IGF2BP2: variants seen among roughly 807,000 people sequenced by gnomAD.
The protein encoded by IGF2BP2 is insulin like growth factor 2 mRNA binding protein 2.
IGF2BP2 carries 17 observed loss-of-function variants against 75.8 expected under a neutral mutation model. That is an observed-to-expected ratio of 0.22 (90% CI 0.15 to 0.34). The LOEUF (loss-of-function observed/expected upper bound fraction) is 0.34. IGF2BP2 is among the 10% of genes least tolerant of loss of function. The probability of loss-of-function intolerance (pLI) is 1.00; values close to 1 mark genes in which losing one functional copy is unlikely to be tolerated. For synonymous variants in IGF2BP2, 288 were observed against 295.6 expected (o/e 0.97, Z 0.26); for missense variants, 516 against 772.4 (o/e 0.67, Z 3.93).
At chr3:185,673,468 T>C (rs1329684558) in intron 9 of IGF2BP2, among the ~76,000 whole-genome samples, 1 of 152,178 alleles carries the variant, frequency 6.6e-6, no homozygotes, top group Non-Finnish European at 1.5e-5. Flanking sequence ...TTTGTCTCTT[T>C]ACTATTTAGT....
intron 2 of IGF2BP2, among the ~76,000 whole-genome samples, chr3:185,778,773 T>C (rs1473811780): frequency 6.6e-6 from 1 of 152,192 alleles, no homozygotes; most frequent in Non-Finnish European, 1.5e-5. Context: ...AGTCAACCAA[T>C]ACATGCTATT....
At chr3:185,772,143 C>T (rs945831253) in intron 2 of IGF2BP2, among the ~76,000 whole-genome samples, 1 of 152,120 alleles carries the variant, frequency 6.6e-6, no homozygotes, top group African/African-American at 2.4e-5. Flanking sequence ...GTTTGCTCTA[C>T]AAGGGCAAGG....
chr3:185,716,406 C>T (rs1185412209), intron 2 of IGF2BP2: 3 of 489,172 alleles, frequency 6.1e-6, no homozygotes, highest in East Asian at 5.5e-5. Flanking sequence ...ACAGAATATC[C>T]CTCTTTTCTT....
At chr3:185,707,295 CTTTTTTTTTTTT>C (rs1159568857) in intron 2 of IGF2BP2, among the ~76,000 whole-genome samples, 14 of 39,854 alleles carry the variant, frequency 3.5e-4, no homozygotes, top group East Asian at 2.0e-3. Flanking sequence ...AACGAAGGGG[CTTTTTTTTTTTT>C]TTTTTTTTTT....
chr3:185,807,618 T>G (rs1388959296), intron 2 of IGF2BP2, among the ~76,000 whole-genome samples: 1 of 152,252 alleles, frequency 6.6e-6, no homozygotes, highest in African/African-American at 2.4e-5. Flanking sequence ...CTCCTGGTAT[T>G]CAACTTATTG....
rs1023211260 is a variant in IGF2BP2, at chr3:185,735,651, C to T, written c.240-37304G>A. Among the ~76,000 whole-genome samples the T allele has an allele frequency of 3.9e-5, 6 of 152,194 alleles. No individual in the cohort carries two copies. The East Asian group carries it at 1.2e-3, about 29-fold the overall frequency. On this transcript the variant is annotated intron_variant, in intron 2 of 15. Coordinates refer to ENST00000382199, the MANE Select transcript of IGF2BP2 (RefSeq NM_006548.6). ...CTCCGGGAGGAGATAATAAGCTTTA[C>T]ACAGCAGAGGGGAAGGCTCCTTACC...
At chr3:185,756,575 AC>A (rs1287616543) in intron 2 of IGF2BP2, among the ~76,000 whole-genome samples, 3 of 151,922 alleles carry the variant, frequency 2.0e-5, no homozygotes, top group Non-Finnish European at 4.4e-5. Context: ...GGCTCTTATT[AC>A]CCAACACCTA....
At chr3:185,653,936 C>T (rs1346844704) in intron 12 of IGF2BP2, among the ~76,000 whole-genome samples, 2 of 152,206 alleles carry the variant, frequency 1.3e-5, no homozygotes, top group African/African-American at 4.8e-5. Flanking sequence ...CACTGTGTCA[C>T]TTGAGATCCT....
intron 2 of IGF2BP2, among the ~76,000 whole-genome samples, chr3:185,707,429 C>T (rs1168224570): frequency 6.7e-6 from 1 of 150,060 alleles, no homozygotes; most frequent in Non-Finnish European, 1.5e-5. Context: ...CTGCCTCAGC[C>T]TCCTGAGTAG....
intron 5 of IGF2BP2, among the ~76,000 whole-genome samples, chr3:185,691,082 A>T (rs1048507171): frequency 1.3e-5 from 2 of 152,024 alleles, no homozygotes; most frequent in Non-Finnish European, 2.9e-5. Flanking sequence ...ACACTAAATG[A>T]ACTATTACCT....
At chr3:185,813,665 TACA>T (rs1740212088) in intron 2 of IGF2BP2, among the ~76,000 whole-genome samples, 1 of 152,248 alleles carries the variant, frequency 6.6e-6, no homozygotes, top group African/African-American at 2.4e-5. Context: ...TACAAAAGCC[TACA>T]ACGTTAGACC....
chr3:185,762,477 G>A (rs1445725842), intron 2 of IGF2BP2, among the ~76,000 whole-genome samples: 1 of 148,714 alleles, frequency 6.7e-6, no homozygotes, highest in Non-Finnish European at 1.5e-5. Context: ...AGGTTGCAGT[G>A]AGACAAGATC....
At chr3:185,662,234 T>C (rs1044884514) in intron 10 of IGF2BP2, among the ~76,000 whole-genome samples, 1 of 151,984 alleles carries the variant, frequency 6.6e-6, no homozygotes, top group Non-Finnish European at 1.5e-5. Context: ...TCCCAGCACT[T>C]TGGGAGGCCG....
intron 2 of IGF2BP2, among the ~76,000 whole-genome samples, chr3:185,708,848 T>G (rs1157626457): frequency 1.3e-5 from 2 of 152,240 alleles, no homozygotes; most frequent in East Asian, 3.8e-4. Context: ...GGTGAGACTT[T>G]GAGATGTAAG....
At chr3:185,655,085 A>C (rs928132526) in intron 12 of IGF2BP2, among the ~76,000 whole-genome samples, 2 of 152,246 alleles carry the variant, frequency 1.3e-5, no homozygotes, top group Non-Finnish European at 2.9e-5. Context: ...AGATGTTTTC[A>C]GGGACCTGTT....
intron 2 of IGF2BP2, among the ~76,000 whole-genome samples, chr3:185,808,158 A>G (rs960527955): frequency 2.6e-5 from 4 of 151,792 alleles, no homozygotes; most frequent in African/African-American, 7.3e-5. Flanking sequence ...GAAAGAAACA[A>G]ACAAACAAAC....
rs1006870801 is a variant in IGF2BP2 at position 185,645,955 on chromosome 3, G to T, written c.1708-332C>A. Reference sequence around the variant, plus strand: ...AGTCAGATGCTACACTTGGGCTCCCGTGCTGCTCCCGCCCCCGTTCTACAG... The same window carrying T: ...AGTCAGATGCTACACTTGGGCTCCCTTGCTGCTCCCGCCCCCGTTCTACAG... On this transcript the variant is annotated intron_variant, in intron 15 of 15. Coordinates refer to ENST00000382199, the MANE Select transcript of IGF2BP2 (RefSeq NM_006548.6). This position sits in a 1 kb window ranked among gnomAD's most constrained non-coding sequence, Gnocchi z 4.9. Among the ~76,000 whole-genome samples, 4 of 152,064 alleles carry T rather than the reference G, an allele frequency of 2.6e-5. No individual in the cohort carries two copies. The highest frequency in any genetic ancestry group is 9.7e-5 in the African/African-American group (4 of 41,392).
intron 7 of IGF2BP2, 39 bp from the exon 8 acceptor site, chr3:185,675,952 T>C: frequency 1.9e-6 from 3 of 1,597,118 alleles, no homozygotes; most frequent in Non-Finnish European, 2.6e-6. Flanking sequence ...TTCAGATACG[T>C]ATAACGGTTG....
At chr3:185,649,362 A>C (rs770571942) in intron 14 of IGF2BP2, 41 bp downstream of exon 14, 49 of 1,608,004 alleles carry the variant, frequency 3.0e-5, no homozygotes, top group Middle Eastern at 4.4e-4. Context: ...CAGAGCGGGG[A>C]ATCTGACCCA....
Sources: gnomAD v4.1 joint callset for allele counts (sites outside exome capture counted in the v4.1 genomes callset) on GRCh38, gnomAD v4.1.1 for gene constraint, Gnocchi (gnomAD v3.1) non-coding constraint, MANE v1.5 for transcripts, NCBI Gene and HGNC (gene_info 2026-07-23, HGNC 2026-07-21) for gene names.